SLC26A3: variants seen among roughly 807,000 people sequenced by gnomAD.
SLC26A3 encodes chloride anion exchanger.
Under a neutral mutation model 85.6 loss-of-function variants are expected in SLC26A3, and 64 were observed. That is an observed-to-expected ratio of 0.75 (90% CI 0.61 to 0.92). The LOEUF is 0.92. SLC26A3 is among the 40% of genes least tolerant of loss of function. SLC26A3 has a pLI of 0.00. For synonymous variants in SLC26A3, 349 were observed against 336.0 expected, an observed-to-expected ratio of 1.04 and a Z score of -0.42; for missense variants, 922 against 927.3, an observed-to-expected ratio of 0.99 and a Z score of 0.07.
intron 5 of SLC26A3, among the ~76,000 whole-genome samples, chr7:107,790,226 A>G (rs1794369834): frequency 6.6e-6 from 1 of 152,168 alleles, no homozygotes; most frequent in Non-Finnish European, 1.5e-5. Context: ...CTAAAGCATC[A>G]TTGTTTTGCA....
chr7:107,769,584 A>G (rs1173221480), intron 18 of SLC26A3, among the ~76,000 whole-genome samples: 1 of 152,078 alleles, frequency 6.6e-6, no homozygotes, highest in African/African-American at 2.4e-5. Context: ...CGGAGGGTGA[A>G]GGGTGGGAGG....
intron 1 of SLC26A3, among the ~76,000 whole-genome samples, chr7:107,798,346 G>A (rs533272128): frequency 6.6e-6 from 1 of 151,632 alleles, no homozygotes; most frequent in South Asian, 2.1e-4. Flanking sequence ...ATATTTCTAG[G>A]GATTGTCATG....
rs748365570 is a variant in SLC26A3 at position 107,776,642 on chromosome 7, A to C, written c.1579T>G (p.Tyr527Asp). The change falls in exon 14 of 21, where the codon TAT (tyrosine) becomes GAT (aspartate). Residue 527 changes from tyrosine to aspartate, a missense_variant. Tyr to Asp is a radical substitution (Grantham distance 160). Coordinates refer to ENST00000340010, the MANE Select transcript of SLC26A3 (RefSeq NM_000111.3). ...AAAACATGAATCTCCCTTACATCAT[A>C]ATAATCTTTTTTATTCTTATAGATG... ...TNIYKNKKDY[Y>D]DMYEPEGVKI... 1.4e-5 allele frequency: 23 copies of C among 1,613,270 alleles called. No individual in the cohort carries two copies. The East Asian group carries it at 3.6e-4, about 25-fold the overall frequency.
rs1340085679 is a variant in SLC26A3, at chr7:107,772,125, T to C, written c.2008-17A>G. 2.7e-6 allele frequency: 4 copies of C among 1,475,072 alleles called. No individual in the cohort carries two copies. In the East Asian group the frequency reaches 9.1e-5, roughly 33 times the overall value. 91.4% of individuals were successfully genotyped at this position (1,475,072 alleles called of 1,614,324 possible). A position where few individuals can be genotyped will look rare whatever the true frequency, so the allele number is the denominator to read the frequency against. ...TTGCAAAATCTGTTAAAAAGAAAAG[T>C]ATATCTTCCTTAGGGAACAGTTTCA... On this transcript the variant is annotated splice_polypyrimidine_tract_variant and intron_variant, in intron 17 of 20. Transcript: ENST00000340010.
chr7:107,770,229 T>C (rs1244915085), intron 18 of SLC26A3, among the ~76,000 whole-genome samples: 1 of 21,292 alleles, frequency 4.7e-5, no homozygotes, highest in Non-Finnish European at 9.4e-5. Flanking sequence ...TTTTTTTTTT[T>C]TTTTTTTTTT....
intron 13 of SLC26A3, among the ~76,000 whole-genome samples, chr7:107,777,321 G>A (rs1010427369): frequency 1.3e-5 from 2 of 152,152 alleles, no homozygotes; most frequent in East Asian, 1.9e-4. Flanking sequence ...AAGGCTGGTC[G>A]CCATGGCTCA....
intron 18 of SLC26A3, among the ~76,000 whole-genome samples, chr7:107,768,441 T>C (rs903098083): frequency 2.6e-5 from 4 of 152,210 alleles, no homozygotes; most frequent in Admixed American, 2.6e-4. Flanking sequence ...TTCATTTACA[T>C]AGATGACTCA....
chr7:107,766,380 C>G (rs140098552), intron 20 of SLC26A3, among the ~76,000 whole-genome samples: 40 of 152,254 alleles, frequency 2.6e-4, no homozygotes, highest in African/African-American at 8.4e-4. Flanking sequence ...GGTGACAATT[C>G]TGAATACAAT....
chr7:107,798,286 T>C (rs1344968585), intron 1 of SLC26A3, among the ~76,000 whole-genome samples: 3 of 152,086 alleles, frequency 2.0e-5, no homozygotes, highest in East Asian at 3.9e-4. Flanking sequence ...GATTAATTTC[T>C]GAAGTTCAGT....
Position 107,774,016 on chromosome 7 carries a change from GAGAGGA to G in SLC26A3, c.1905_1910del (p.Pro636_Leu637del), listed in dbSNP as rs1188559835. The G allele has an allele frequency of 6.2e-7, 1 of 1,614,190 alleles. No individual in the cohort carries two copies. The highest frequency in any genetic ancestry group is 2.2e-5 in the East Asian group (1 of 44,888). ...GGCTGATTTTGGGGACCTCAATGTT[GAGAGGA>G]AGATCATCATTCCAGTCAATGTGGA... On this transcript the variant is annotated inframe_deletion, in exon 17 of 21. Coordinates refer to ENST00000340010, the MANE Select transcript of SLC26A3 (RefSeq NM_000111.3).
At chr7:107,788,306 AT>A (rs1449346082) in intron 6 of SLC26A3, among the ~76,000 whole-genome samples, 1 of 152,360 alleles carries the variant, frequency 6.6e-6, no homozygotes, top group East Asian at 1.9e-4. Flanking sequence ...TTTCAAAAAA[AT>A]AATCTATGTT....
chr7:107,779,599 G>T (rs1374267997), intron 12 of SLC26A3, 69 bp downstream of exon 12: 5 of 1,189,602 alleles, frequency 4.2e-6, no homozygotes, highest in Non-Finnish European at 6.2e-6. Flanking sequence ...ATATAAACAT[G>T]CATTTCACAT....
intron 1 of SLC26A3, among the ~76,000 whole-genome samples, chr7:107,797,740 C>CTTTTCTTTTTTTTT (rs1794533962): frequency 7.8e-6 from 1 of 127,448 alleles, no homozygotes. Flanking sequence ...TGAGCAGGAC[C>CTTTTCTTTTTTTTT]TTTTTTTTTT....
chr7:107,783,115 A>G, intron 9 of SLC26A3, 22 bp from the exon 10 acceptor site: 11 of 1,613,466 alleles, frequency 6.8e-6, no homozygotes, highest in Non-Finnish European at 9.3e-6. Flanking sequence ...ACAAGAATGA[A>G]CCTTTTTCAG....
Position 107,776,664 on chromosome 7 carries a change from G to A in SLC26A3, c.1557C>T (p.Ile519=). The A allele has an allele frequency of 6.2e-7, 1 of 1,613,858 alleles. No homozygotes were observed. The highest frequency in any genetic ancestry group is 8.5e-7 in the Non-Finnish European group (1 of 1,179,864). The change falls in exon 14 of 21, where the codon ATC becomes ATT. Residue 519 remains isoleucine, a synonymous_variant. Coordinates refer to ENST00000340010, the MANE Select transcript of SLC26A3 (RefSeq NM_000111.3). ...CATAATAATCTTTTTTATTCTTATA[G>A]ATGTTGGTTCTTCCAATATTAGCCA... ...STLANIGRTN[I]YKNKKDYYDM...
intron 8 of SLC26A3, among the ~76,000 whole-genome samples, chr7:107,786,528 T>C (rs1300310855): frequency 7.9e-5 from 12 of 151,674 alleles, no homozygotes; most frequent in Admixed American, 7.2e-4. Flanking sequence ...TTTCTACTGG[T>C]CTGTGTCCCT....
intron 8 of SLC26A3, among the ~76,000 whole-genome samples, chr7:107,783,607 A>AT (rs1794245516): frequency 6.6e-6 from 1 of 152,272 alleles, no homozygotes; most frequent in South Asian, 2.1e-4. Flanking sequence ...TTTTGCCAGT[A>AT]AAACCACACT....
intron 18 of SLC26A3, among the ~76,000 whole-genome samples, chr7:107,770,875 A>G (rs1212093958): frequency 1.3e-5 from 2 of 152,152 alleles, no homozygotes; most frequent in African/African-American, 2.4e-5. Context: ...ATACGTGCGT[A>G]CTCTGTAGAT....
intron 8 of SLC26A3, among the ~76,000 whole-genome samples, chr7:107,785,726 C>T (rs949314460): frequency 4.6e-5 from 7 of 151,402 alleles, no homozygotes; most frequent in East Asian, 1.9e-4. Context: ...ATGTAACACA[C>T]GAAGATCTGG....
Sources: allele counts gnomAD v4.1 joint callset (sites outside exome capture counted in the v4.1 genomes callset), GRCh38; gene constraint gnomAD v4.1.1; transcripts MANE v1.5; gene names NCBI Gene and HGNC (gene_info 2026-07-23, HGNC 2026-07-21).